The following CTNND2 variants were observed in gnomAD, a reference collection of about 807,000 sequenced individuals.
CTNND2 encodes the protein catenin delta 2, also known as catenin delta-2.
CTNND2 carries 22 observed loss-of-function variants against 144.4 expected under a neutral mutation model. The ratio of observed to expected loss-of-function variants is 0.15; its 90% confidence interval spans 0.11 to 0.22. The LOEUF is 0.22. CTNND2 is among the 10% of genes least tolerant of loss of function. The pLI is 1.00. For missense variants in CTNND2, 1,353 were observed against 1,618.8 expected, an observed-to-expected ratio of 0.84 and a Z score of 2.82; for synonymous variants, 751 against 695.6, an observed-to-expected ratio of 1.08 and a Z score of -1.25.
chr5:11,520,411 T>A (rs1346445236), intron 3 of CTNND2, among the ~76,000 whole-genome samples: 1 of 152,184 alleles, frequency 6.6e-6, no homozygotes, highest in African/African-American at 2.4e-5. Flanking sequence ...GTTCCACAGA[T>A]GAACTAGGTC....
chr5:11,129,130 TTTA>T lies in CTNND2; in HGVS notation c.2160-11566_2160-11564del, dbSNP rs1464619182. ...ATATATATATTATATATAATATATA[TTTA>T]TATATATTATATATAAAATATACAT... On this transcript the variant is annotated intron_variant, in intron 12 of 21. Transcript: ENST00000304623. 3.7e-4 allele frequency among the ~76,000 whole-genome samples: 12 copies of T among 32,296 alleles called. 2 individuals are homozygous for T. Among genetic ancestry groups the T allele is most frequent in the African/African-American group, 1.9e-3 (12 of 6,354 alleles). The allele number at this position is 32,296 out of a possible 152,430, so 21.2% of individuals were successfully genotyped here.
At chr5:11,102,001 A>G (rs913550065) in intron 14 of CTNND2, among the ~76,000 whole-genome samples, 2 of 151,938 alleles carry the variant, frequency 1.3e-5, no homozygotes. Context: ...ACGAAGACAG[A>G]GGCATTTGTG....
intron 2 of CTNND2, among the ~76,000 whole-genome samples, chr5:11,612,792 T>G (rs941123795): frequency 2.0e-5 from 3 of 151,928 alleles, no homozygotes. Context: ...CCCATCAACT[T>G]GGGAGGTTAA....
chr5:11,332,077 A>G (rs1041650922), intron 9 of CTNND2, among the ~76,000 whole-genome samples: 3 of 151,934 alleles, frequency 2.0e-5, no homozygotes, highest in South Asian at 2.1e-4. Flanking sequence ...GGAGTTCGAG[A>G]GCAGCCTGAC....
chr5:11,562,030 CAG>C (rs928172574), intron 3 of CTNND2, among the ~76,000 whole-genome samples: 2 of 151,868 alleles, frequency 1.3e-5, no homozygotes, highest in Non-Finnish European at 2.9e-5. Flanking sequence ...GCCTGGGTGA[CAG>C]AGCAAGACTA....
At chr5:11,342,114 G>A (rs149290958) in intron 9 of CTNND2, among the ~76,000 whole-genome samples, 55 of 152,132 alleles carry the variant, frequency 3.6e-4, no homozygotes, top group East Asian at 3.5e-3. Flanking sequence ...GTGCACATGC[G>A]TCGTGAACAG....
At chr5:11,318,357 A>T (rs1308441407) in intron 9 of CTNND2, among the ~76,000 whole-genome samples, 1 of 152,120 alleles carries the variant, frequency 6.6e-6, no homozygotes, top group African/African-American at 2.4e-5. Flanking sequence ...AAAGACAAAC[A>T]TCAAGCCATG....
intron 19 of CTNND2, among the ~76,000 whole-genome samples, chr5:10,992,146 G>A (rs1017866274): frequency 3.9e-5 from 6 of 152,110 alleles, no homozygotes; most frequent in Admixed American, 6.5e-5. Flanking sequence ...TCGAACTCCC[G>A]AGCTCAGGCA....
intron 2 of CTNND2, among the ~76,000 whole-genome samples, chr5:11,656,247 G>C (rs1302846117): frequency 6.6e-6 from 1 of 151,874 alleles, no homozygotes; most frequent in East Asian, 1.9e-4. Flanking sequence ...CAATCAATAA[G>C]TGGTTTTATG....
At chr5:11,621,939 T>C (rs1460151708) in intron 2 of CTNND2, among the ~76,000 whole-genome samples, 3 of 152,176 alleles carry the variant, frequency 2.0e-5, no homozygotes, top group African/African-American at 7.2e-5. Flanking sequence ...ATCTTGCAAA[T>C]ATAATACACA....
intron 1 of CTNND2, among the ~76,000 whole-genome samples, chr5:11,868,305 G>A (rs1234396160): frequency 6.6e-6 from 1 of 152,000 alleles, no homozygotes; most frequent in Non-Finnish European, 1.5e-5. Flanking sequence ...TCCACCATAG[G>A]GCAGTCTGAT....
At chr5:11,755,190 T>C (rs1788864628) in intron 1 of CTNND2, among the ~76,000 whole-genome samples, 1 of 151,770 alleles carries the variant, frequency 6.6e-6, no homozygotes, top group African/African-American at 2.4e-5. Flanking sequence ...CATTTCTTCC[T>C]CATCTACGAA....
At chr5:11,418,082 G>A (rs182820325) in intron 3 of CTNND2, among the ~76,000 whole-genome samples, 97 of 152,050 alleles carry the variant, frequency 6.4e-4, no homozygotes, top group African/African-American at 2.1e-3. Flanking sequence ...CTAGTTTGAC[G>A]CACTAACGAG....
intron 9 of CTNND2, among the ~76,000 whole-genome samples, chr5:11,295,751 A>T (rs1748883327): frequency 6.6e-6 from 1 of 152,232 alleles, no homozygotes; most frequent in African/African-American, 2.4e-5. Flanking sequence ...CCTATTTAAT[A>T]AACTGTGCTG....
At chr5:11,560,846 G>C (rs1776627072) in intron 3 of CTNND2, among the ~76,000 whole-genome samples, 1 of 152,222 alleles carries the variant, frequency 6.6e-6, no homozygotes, top group African/African-American at 2.4e-5. Flanking sequence ...CTGCAGAAGT[G>C]GGGAAGGATC....
intron 9 of CTNND2, among the ~76,000 whole-genome samples, chr5:11,258,076 A>C (rs980662170): frequency 1.3e-5 from 2 of 152,178 alleles, no homozygotes; most frequent in African/African-American, 4.8e-5. Context: ...TGAAAGTCAG[A>C]TCCTTTCAGC....
chr5:11,112,975 T>C (rs1753157509), intron 13 of CTNND2, among the ~76,000 whole-genome samples: 1 of 152,086 alleles, frequency 6.6e-6, no homozygotes, highest in Admixed American at 6.5e-5. Context: ...ACCCCGTCTC[T>C]ACTAAAAATT....
intron 2 of CTNND2, among the ~76,000 whole-genome samples, chr5:11,670,249 T>C (rs1783811912): frequency 6.6e-6 from 1 of 152,200 alleles, no homozygotes; most frequent in Non-Finnish European, 1.5e-5. Flanking sequence ...GAGAGCTCTG[T>C]AGATGTTTAT....
At chr5:11,572,902 G>C (rs954138891) in intron 2 of CTNND2, among the ~76,000 whole-genome samples, 1 of 152,174 alleles carries the variant, frequency 6.6e-6, no homozygotes, top group East Asian at 1.9e-4. Flanking sequence ...TGCAATAATA[G>C]AGCAAAATAA....
Sources: gnomAD v4.1 joint callset for allele counts (sites outside exome capture counted in the v4.1 genomes callset) on GRCh38, gnomAD v4.1.1 for gene constraint, MANE v1.5 for transcripts, NCBI Gene and HGNC (gene_info 2026-07-23, HGNC 2026-07-21) for gene names.